The following SLC9A8 variants were observed in gnomAD, a reference collection of about 807,000 sequenced individuals.
SLC9A8 encodes the protein solute carrier family 9 member A8, also known as sodium/hydrogen exchanger 8.
SLC9A8 carries 48 observed loss-of-function variants against 66.6 expected under a neutral mutation model. That is an observed-to-expected ratio of 0.72 (90% CI 0.57 to 0.92). The LOEUF (loss-of-function observed/expected upper bound fraction) is 0.92, where lower values mean the gene tolerates loss of function less well. Ranked by LOEUF, SLC9A8 falls within the 40% of genes least tolerant of loss-of-function variation. SLC9A8 has a pLI of 0.00. For missense variants in SLC9A8, 599 were observed against 747.3 expected, an observed-to-expected ratio of 0.80 and a Z score of 2.31; for synonymous variants, 274 against 282.6, an observed-to-expected ratio of 0.97 and a Z score of 0.31.
rs1295766291 is a variant in SLC9A8 at position 49,891,522 on chromosome 20, G to A, written c.*3586G>A. On this transcript the variant is annotated 3_prime_UTR_variant, in exon 16 of 16. Transcript: ENST00000361573. ...ACTGTTACCAGGCATGTAACAGAAG[G>A]AGGAAGACTAACACACACCCCCTGC... 3 of 152,254 alleles carry A rather than the reference G, an allele frequency of 2.0e-5. No homozygotes were observed. The highest frequency in any genetic ancestry group is 4.4e-5 in the Non-Finnish European group (3 of 68,080). 9.4% of individuals were successfully genotyped at this position (152,254 alleles called of 1,614,324 possible).
Position 49,889,528 on chromosome 20 carries a change from G to A in SLC9A8, c.*1592G>A, listed in dbSNP as rs994981260. ...GTGCCAGGAATGAGAGGCCAGGCCC[G>A]ATCCTACCACCTCGCCTTGACCCTG... On this transcript the variant is annotated 3_prime_UTR_variant, in exon 16 of 16. Coordinates refer to ENST00000361573, the MANE Select transcript of SLC9A8 (RefSeq NM_015266.3). 2.0e-5 allele frequency: 3 copies of A among 152,396 alleles called. No homozygotes were observed. Among genetic ancestry groups the A allele is most frequent in the East Asian group, 1.9e-4 (1 of 5,186 alleles). 9.4% of individuals were successfully genotyped at this position (152,396 alleles called of 1,614,324 possible).
intron 13 of SLC9A8, 61 bp from the exon 14 acceptor site, chr20:49,883,785 G>C (rs2089717817): frequency 1.4e-6 from 2 of 1,411,638 alleles, no homozygotes; most frequent in East Asian, 4.6e-5. Flanking sequence ...TTCCAGGGAA[G>C]CCAGCCCATG....
chr20:49,862,538 G>C (rs556467679), intron 8 of SLC9A8, among the ~76,000 whole-genome samples: 98 of 152,324 alleles, frequency 6.4e-4, no homozygotes, highest in Middle Eastern at 3.4e-3. Context: ...TGGGATTACA[G>C]GTGTGAGCCA....
At chr20:49,880,028 A>G (rs1344049469) in intron 12 of SLC9A8, among the ~76,000 whole-genome samples, 1 of 152,000 alleles carries the variant, frequency 6.6e-6, no homozygotes, top group Non-Finnish European at 1.5e-5. Flanking sequence ...TGGGAGGCAA[A>G]GGCAGGAGGA....
At chr20:49,819,357 G>A (rs926529099) in intron 2 of SLC9A8, among the ~76,000 whole-genome samples, 1 of 152,112 alleles carries the variant, frequency 6.6e-6, no homozygotes, top group African/African-American at 2.4e-5. Context: ...ACTTGAAAAC[G>A]TGCTTGTTTT....
intron 10 of SLC9A8, among the ~76,000 whole-genome samples, chr20:49,872,730 C>G (rs2089262997): frequency 6.6e-6 from 1 of 152,110 alleles, no homozygotes; most frequent in African/African-American, 2.4e-5. Flanking sequence ...CGTGATTCAC[C>G]CGCCTCGGCC....
intron 5 of SLC9A8, among the ~76,000 whole-genome samples, chr20:49,846,442 AC>A (rs2087994200): frequency 6.6e-6 from 1 of 150,812 alleles, no homozygotes; most frequent in East Asian, 1.9e-4. Flanking sequence ...TAAAGTAGAA[AC>A]CAAAAACCCC....
At chr20:49,862,873 T>C in intron 8 of SLC9A8, 56 bp from the exon 9 acceptor site, 1 of 1,381,234 alleles carries the variant, frequency 7.2e-7, no homozygotes, top group Non-Finnish European at 1.0e-6. Context: ...AGTTAATTTC[T>C]AAGAACTTTG....
chr20:49,829,988 T>TCCGGTACCTTGAAGTGGATGATGGCCGG (rs2087104424), intron 3 of SLC9A8: 1 of 620,800 alleles, frequency 1.6e-6, no homozygotes, highest in South Asian at 1.4e-5. Flanking sequence ...CATCGTGGAG[T>TCCGGTACCTTGAAGTGGATGATGGCCGG]CCGGTACCTT....
chr20:49,849,496 G>A (rs2088157354), intron 5 of SLC9A8, 83 bp from the exon 6 acceptor site: 16 of 1,037,576 alleles, frequency 1.5e-5, no homozygotes, highest in South Asian at 1.1e-4. Flanking sequence ...AAGTCTGCAC[G>A]GAGGGCCAGG....
intron 10 of SLC9A8, among the ~76,000 whole-genome samples, chr20:49,869,837 AAAAAAT>A (rs1442539153): frequency 2.0e-5 from 3 of 152,038 alleles, no homozygotes; most frequent in African/African-American, 7.2e-5. Context: ...ATCTCAAAAA[AAAAAAT>A]AAAATAAAAA....
chr20:49,876,872 C>G (rs1190099173), intron 11 of SLC9A8, among the ~76,000 whole-genome samples: 3 of 152,080 alleles, frequency 2.0e-5, no homozygotes, highest in African/African-American at 7.2e-5. Flanking sequence ...AAAAAAATTT[C>G]AGAGAGAGAA....
At chr20:49,829,293 G>A (rs2087065042) in intron 3 of SLC9A8, 1 of 153,940 alleles carries the variant, frequency 6.5e-6, no homozygotes, top group Non-Finnish European at 1.4e-5. Flanking sequence ...GCCAAGGTGG[G>A]CGGATCACGA....
chr20:49,821,002 T>A (rs1165729394), intron 2 of SLC9A8, among the ~76,000 whole-genome samples: 2 of 152,242 alleles, frequency 1.3e-5, no homozygotes, highest in Non-Finnish European at 2.9e-5. Flanking sequence ...CTGTTGAGTT[T>A]AAGAGTTCTT....
At chr20:49,820,637 C>A (rs1387392761) in intron 2 of SLC9A8, among the ~76,000 whole-genome samples, 11 of 152,034 alleles carry the variant, frequency 7.2e-5, no homozygotes, top group Non-Finnish European at 1.6e-4. Flanking sequence ...ACCTCTACCT[C>A]CTGGGTTCAA....
chr20:49,855,519 G>A lies in SLC9A8; in HGVS notation c.651G>A (p.Val217=). ...AIFNALHVDP[V]LNMLVFGESI... ...TCAATGCACTTCATGTGGACCCCGT[G>A]CTCAACATGCTGGTCTTTGGAGAAA... The change falls in exon 8 of 16, where the codon GTG becomes GTA. Residue 217 remains valine (V), a synonymous_variant. Coordinates refer to ENST00000361573, the MANE Select transcript of SLC9A8 (RefSeq NM_015266.3). 6.2e-7 allele frequency: 1 copy of A among 1,614,164 alleles called. No individual in the cohort carries two copies. The highest frequency in any genetic ancestry group is 1.1e-5 in the South Asian group (1 of 91,082).
At chr20:49,844,256 G>A (rs1263915061) in intron 4 of SLC9A8, among the ~76,000 whole-genome samples, 2 of 152,138 alleles carry the variant, frequency 1.3e-5, no homozygotes. Flanking sequence ...TCTGTGATAA[G>A]CAGAAAGAAG....
intron 4 of SLC9A8, among the ~76,000 whole-genome samples, chr20:49,840,344 A>G (rs576232778): frequency 6.6e-6 from 1 of 152,336 alleles, no homozygotes; most frequent in African/African-American, 2.4e-5. Context: ...GTAGGGCGAG[A>G]TTAACAAGTA....
intron 8 of SLC9A8, among the ~76,000 whole-genome samples, chr20:49,862,583 C>T (rs759579554): frequency 1.3e-5 from 2 of 152,142 alleles, no homozygotes; most frequent in Admixed American, 6.5e-5. Flanking sequence ...TTCTCAAGCA[C>T]CTTCCTTGAG....
Sources: allele counts gnomAD v4.1 joint callset (sites outside exome capture counted in the v4.1 genomes callset), GRCh38; gene constraint gnomAD v4.1.1; transcripts MANE v1.5; gene names NCBI Gene and HGNC (gene_info 2026-07-23, HGNC 2026-07-21).